The following CNKSR2 variants were observed in gnomAD, a reference collection of about 807,000 sequenced individuals.
CNKSR2 encodes the protein connector enhancer of kinase suppressor of Ras 2.
CNKSR2 carries 14 observed loss-of-function variants against 84.4 expected under a neutral mutation model. The observed-to-expected ratio is 0.17, with a 90% confidence interval of 0.11 to 0.26. CNKSR2 has a LOEUF of 0.26. CNKSR2 is among the 10% of genes least tolerant of loss of function. The pLI is 1.00. For synonymous variants in CNKSR2, 275 were observed against 277.9 expected, an observed-to-expected ratio of 0.99 and a Z score of 0.10; for missense variants, 485 against 771.2, an observed-to-expected ratio of 0.63 and a Z score of 4.40.
At chrX:21,478,589 C>T (rs1245482430) in intron 5 of CNKSR2, among the ~76,000 whole-genome samples, 2 of 111,913 alleles carry the variant, frequency 1.8e-5, no homozygotes, top group Admixed American at 1.9e-4. Context: ...TCTGAAAGTA[C>T]AATTCTTGTC....
intron 1 of CNKSR2, among the ~76,000 whole-genome samples, chrX:21,384,146 A>G (rs1040315545): frequency 1.1e-4 from 12 of 112,062 alleles, no homozygotes; most frequent in Non-Finnish European, 2.1e-4. Context: ...CATGATGCTC[A>G]AAACAGACAT....
intron 18 of CNKSR2, among the ~76,000 whole-genome samples, chrX:21,602,100 T>G (rs2092485696): frequency 1.8e-5 from 2 of 111,761 alleles, no homozygotes; most frequent in South Asian, 7.5e-4. Flanking sequence ...AGACTTAGAG[T>G]AAAATCTCAG....
rs1361804314 is a variant in CNKSR2, at chrX:21,472,267, CTTTCTG to C, written c.561+1461_561+1466del. Among the ~76,000 whole-genome samples, 21 of 112,012 alleles carry C rather than the reference CTTTCTG, an allele frequency of 1.9e-4. No homozygotes were observed. The Admixed American group carries it at 2.0e-3, about 11-fold the overall frequency. On this transcript the variant is annotated intron_variant, in intron 5 of 21. Coordinates refer to ENST00000379510, the MANE Select transcript of CNKSR2 (RefSeq NM_014927.5). ...TGAATTTTCTATGACAATGACTGTT[CTTTCTG>C]AAGTATTGAATTTACTGAATTCGAC...
At chrX:21,376,910 A>G (rs936729100) in intron 1 of CNKSR2, among the ~76,000 whole-genome samples, 1 of 112,240 alleles carries the variant, frequency 8.9e-6, no homozygotes, top group African/African-American at 3.2e-5. Flanking sequence ...AAGCAAGTAG[A>G]ATATATGATG....
At chrX:21,386,736 C>G (rs1413498402) in intron 1 of CNKSR2, among the ~76,000 whole-genome samples, 3 of 111,504 alleles carry the variant, frequency 2.7e-5, no homozygotes. Flanking sequence ...TTAAATTGTT[C>G]TTTACTTGTG....
chrX:21,414,048 A>G (rs2090382385), intron 1 of CNKSR2, among the ~76,000 whole-genome samples: 1 of 111,569 alleles, frequency 9.0e-6, no homozygotes, highest in African/African-American at 3.3e-5. Flanking sequence ...CAGATATCTT[A>G]CTGATATCCT....
chrX:21,387,453 G>A (rs1176046664), intron 1 of CNKSR2, among the ~76,000 whole-genome samples: 2 of 111,619 alleles, frequency 1.8e-5, no homozygotes, highest in African/African-American at 6.5e-5. Context: ...CTGTACTCCA[G>A]CCTGGGTGAT....
intron 11 of CNKSR2, among the ~76,000 whole-genome samples, chrX:21,553,581 T>G (rs1333049427): frequency 9.0e-6 from 1 of 110,902 alleles, no homozygotes; most frequent in African/African-American, 3.3e-5. Flanking sequence ...ATCTCTACCT[T>G]TCTTGCTGGC....
At chrX:21,543,350 G>A (rs1299351926) in intron 11 of CNKSR2, among the ~76,000 whole-genome samples, 1 of 112,117 alleles carries the variant, frequency 8.9e-6, no homozygotes, top group Non-Finnish European at 1.9e-5. Flanking sequence ...AAGAAATGTG[G>A]GATGTGCACT....
At chrX:21,461,556 C>T (rs1203503911) in intron 4 of CNKSR2, among the ~76,000 whole-genome samples, 4 of 111,612 alleles carry the variant, frequency 3.6e-5, no homozygotes, top group Non-Finnish European at 7.5e-5. Context: ...CCCATTTGTC[C>T]ATTTTTGCTT....
At chrX:21,433,642 A>G (rs891177013) in intron 3 of CNKSR2, among the ~76,000 whole-genome samples, 2 of 101,429 alleles carry the variant, frequency 2.0e-5, no homozygotes, top group African/African-American at 7.4e-5. Flanking sequence ...TAGGATATTC[A>G]TATGTGTTCC....
intron 1 of CNKSR2, among the ~76,000 whole-genome samples, chrX:21,403,368 A>G (rs1314224654): frequency 9.0e-6 from 1 of 111,683 alleles, no homozygotes; most frequent in East Asian, 2.8e-4. Flanking sequence ...CCTAATTACC[A>G]TGATTTGTTT....
In CNKSR2 at chrX:21,634,491, G is replaced by T. The variant is rs148313954; in HGVS notation, c.2693-14340G>T. ...AATGTCAGACTGGTGTGCCAAGGAG[G>T]TTATTAATAAGGCATTAACATTTAG... On this transcript the variant is annotated intron_variant, in intron 20 of 21. Transcript: ENST00000379510. 8.1e-3 allele frequency among the ~76,000 whole-genome samples: 907 copies of T among 111,516 alleles called. 2 individuals are homozygous for T. Among genetic ancestry groups the T allele is most frequent in the African/African-American group, 0.028 (857 of 30,743 alleles).
chrX:21,585,389 T>C (rs1289783406), intron 13 of CNKSR2, among the ~76,000 whole-genome samples: 2 of 107,799 alleles, frequency 1.9e-5, no homozygotes, highest in African/African-American at 6.7e-5. Context: ...TGAGAGATTG[T>C]GGTGGCTTAG....
intron 13 of CNKSR2, among the ~76,000 whole-genome samples, chrX:21,563,902 T>A (rs1221139079): frequency 9.0e-6 from 1 of 110,837 alleles, no homozygotes; most frequent in African/African-American, 3.3e-5. Context: ...GAGAAAGACA[T>A]GCTGAGAGTC....
At chrX:21,538,614 T>C (rs1300728886) in intron 11 of CNKSR2, 1 of 112,032 alleles carries the variant, frequency 8.9e-6, no homozygotes, top group Non-Finnish European at 1.9e-5. Flanking sequence ...ACTCACACGA[T>C]CACCAGGTGA....
At chrX:21,535,802 T>C (rs1375216112) in intron 11 of CNKSR2, among the ~76,000 whole-genome samples, 1 of 111,387 alleles carries the variant, frequency 9.0e-6, no homozygotes, top group Non-Finnish European at 1.9e-5. Context: ...TAAGAACATA[T>C]TGTCTGCAAA....
chrX:21,575,767 T>C (rs1173115088), intron 13 of CNKSR2, among the ~76,000 whole-genome samples: 1 of 111,852 alleles, frequency 8.9e-6, no homozygotes, highest in Non-Finnish European at 1.9e-5. Flanking sequence ...GGACTCTCTT[T>C]AGCCAACATG....
At chrX:21,548,041 AT>A (rs2092045729) in intron 11 of CNKSR2, among the ~76,000 whole-genome samples, 1 of 112,001 alleles carries the variant, frequency 8.9e-6, no homozygotes, top group Non-Finnish European at 1.9e-5. Context: ...GAGCAAACAC[AT>A]TCAAAAGCTA....
Sources: allele counts gnomAD v4.1 joint callset (sites outside exome capture counted in the v4.1 genomes callset), GRCh38; gene constraint gnomAD v4.1.1; transcripts MANE v1.5; gene names NCBI Gene and HGNC (gene_info 2026-07-23, HGNC 2026-07-21).